Variants in EPS8L1 observed in about 807,000 individuals in gnomAD.
EPS8L1 encodes EPS8 signaling adaptor L1.
Under a neutral mutation model 91.7 loss-of-function variants are expected in EPS8L1, and 101 were observed. The observed-to-expected ratio is 1.10, with a 90% confidence interval of 0.94 to 1.30. The LOEUF is 1.30. Among genes scored for constraint, EPS8L1 ranks in the 50% most tolerant of loss-of-function variants. The probability of loss-of-function intolerance (pLI) is 0.00; values close to 1 mark genes in which losing one functional copy is unlikely to be tolerated. For synonymous variants in EPS8L1, 506 were observed against 445.3 expected (o/e 1.14, Z -1.72); for missense variants, 1,114 against 1,017.0 (o/e 1.10, Z -1.30).
chr19:55,085,233 T>C (rs951625076), intron 14 of EPS8L1, among the ~76,000 whole-genome samples: 2 of 152,216 alleles, frequency 1.3e-5, no homozygotes, highest in African/African-American at 4.8e-5. Flanking sequence ...TGGTGAGATC[T>C]CAGCTCACTG....
chr19:55,077,574 C>T (rs1168795402), intron 2 of EPS8L1, among the ~76,000 whole-genome samples: 3 of 148,676 alleles, frequency 2.0e-5, no homozygotes, highest in African/African-American at 7.4e-5. Context: ...CACCGCCTGA[C>T]CTGACCTGTC....
rs778351142 is a variant in EPS8L1 at position 55,086,450 on chromosome 19, G to C, written c.1709G>C (p.Arg570Pro). ...CCGGCCCCACCTCCAGCTCTGGCTC[G>C]GCCCCGCTGGGACAGGCCCCGCTGG... ...PAPAPPPALARPRWDRPRWDS... is the reference protein window; with the variant it reads ...PAPAPPPALAPPRWDRPRWDS... The change falls in exon 17 of 20, where the codon CGG (arginine) becomes CCG (proline). Residue 570 changes from arginine to proline, a missense_variant. Physicochemically the swap from Arg to Pro is moderately radical, Grantham distance 103 (BLOSUM62 -2). Coordinates refer to ENST00000201647, the MANE Select transcript of EPS8L1 (RefSeq NM_133180.3). The C allele has an allele frequency of 5.8e-6, 9 of 1,552,812 alleles. No homozygotes were observed. In the Admixed American group the frequency reaches 7.8e-5, roughly 14 times the overall value.
chr19:55,086,520 T>C lies in EPS8L1; in HGVS notation c.1777+2T>C. 1 of 1,550,478 alleles carries C rather than the reference T, an allele frequency of 6.4e-7. No homozygotes were observed. Among genetic ancestry groups the C allele is most frequent in the South Asian group, 1.2e-5 (1 of 83,976 alleles). ...ACGGCTTGGACCCCAGCGAGAAGGG[T>C]GAGTGGTGGGGACGCCGGCTGCGGG... On this transcript the variant is annotated splice_donor_variant, in intron 17 of 19. Coordinates refer to ENST00000201647, the MANE Select transcript of EPS8L1 (RefSeq NM_133180.3). LOFTEE classifies it high-confidence loss of function.
In EPS8L1 at chr19:55,086,486, A is replaced by G. The variant is rs911609570; in HGVS notation, c.1745A>G (p.Asp582Gly). The G allele has an allele frequency of 1.0e-5, 16 of 1,551,458 alleles. No individual in the cohort carries two copies. Among genetic ancestry groups the G allele is most frequent in the Non-Finnish European group, 1.4e-5 (16 of 1,146,994 alleles). ...RWDRPRWDSCDSLNGLDPSEK... is the reference protein window; with the variant it reads ...RWDRPRWDSCGSLNGLDPSEK... ...GACAGGCCCCGCTGGGACAGCTGCGATAGCCTCAACGGCTTGGACCCCAGC... is the reference window on the plus strand; with the variant it reads ...GACAGGCCCCGCTGGGACAGCTGCGGTAGCCTCAACGGCTTGGACCCCAGC... Residue 582 changes from aspartate (D) to glycine (G), a missense_variant, in exon 17 of 20, where the codon GAT (aspartate) becomes GGT (glycine). Coordinates refer to ENST00000201647, the MANE Select transcript of EPS8L1 (RefSeq NM_133180.3).
rs772421947 is a variant in EPS8L1, at chr19:55,086,440, G to A, written c.1699G>A (p.Ala567Thr). 7 of 1,554,586 alleles carry A rather than the reference G, an allele frequency of 4.5e-6. No individual in the cohort carries two copies. The highest frequency in any genetic ancestry group is 6.1e-6 in the Non-Finnish European group (7 of 1,148,278). Reference sequence around the variant, plus strand: ...AGCCCCAGCCCCGGCCCCACCTCCAGCTCTGGCTCGGCCCCGCTGGGACAG... The same window carrying A: ...AGCCCCAGCCCCGGCCCCACCTCCAACTCTGGCTCGGCCCCGCTGGGACAG... Reference protein sequence around the residue: ...PPAPAPAPPPALARPRWDRPR... With the variant: ...PPAPAPAPPPTLARPRWDRPR... Residue 567 changes from alanine (A) to threonine (T), a missense_variant, in exon 17 of 20, where the codon GCT becomes ACT. Physicochemically the swap from Ala to Thr is moderately conservative, Grantham distance 58. Transcript: ENST00000201647.
At position 55,081,545 on chromosome 19, in the gene EPS8L1, G is replaced by C. The variant is rs1011217194; in HGVS notation, c.774+53G>C. ...GCAGGGCCAGGCGACTGGAGGCGGG[G>C]CTAGGGCGTGGAAGGGCGGGGCCGG... is the stretch of plus-strand genomic sequence containing the variant. On this transcript the variant is annotated intron_variant, in intron 8 of 19. Transcript: ENST00000201647. The surrounding 1 kb of genome is among the most constrained non-coding windows in gnomAD (Gnocchi z 4.9). 1 of 1,500,750 alleles carries C rather than the reference G, an allele frequency of 6.7e-7. No individual in the cohort carries two copies. The highest frequency in any genetic ancestry group is 8.9e-7 in the Non-Finnish European group (1 of 1,127,674). 93.0% of individuals were successfully genotyped at this position (1,500,750 alleles called of 1,614,324 possible).
At position 55,081,690 on chromosome 19, in the gene EPS8L1, G is replaced by A. The variant is rs911945604; in HGVS notation, c.775-83G>A. 9.1e-6 allele frequency: 14 copies of A among 1,531,818 alleles called. No homozygotes were observed. Among genetic ancestry groups the A allele is most frequent in the South Asian group, 1.3e-5 (1 of 78,478 alleles). 94.9% of individuals were successfully genotyped at this position (1,531,818 alleles called of 1,614,324 possible). ...GGGGCGTGGCCTGATCTGGGGAAGT[G>A]TATAGGTGCTCAGGTTCAGGGCTTC... On this transcript the variant is annotated intron_variant, in intron 8 of 19. Coordinates refer to ENST00000201647, the MANE Select transcript of EPS8L1 (RefSeq NM_133180.3). The surrounding 1 kb of genome is among the most constrained non-coding windows in gnomAD (Gnocchi z 4.9).
Position 55,083,820 on chromosome 19 carries a change from G to A in EPS8L1, c.1385+176G>A, listed in dbSNP as rs1444893527. 4.1e-6 allele frequency: 3 copies of A among 726,400 alleles called. No individual in the cohort carries two copies. Among genetic ancestry groups the A allele is most frequent in the African/African-American group, 3.6e-5 (2 of 56,208 alleles). The allele number at this position is 726,400 out of a possible 1,614,324, so 45.0% of individuals were successfully genotyped here. ...GGGCTGGGAGAGAGGGAGGAGCAGG[G>A]TGGGAGGGGGCGGGACCCAGACTTC... On this transcript the variant is annotated intron_variant, in intron 14 of 19. Coordinates refer to ENST00000201647, the MANE Select transcript of EPS8L1 (RefSeq NM_133180.3). This position sits in a 1 kb window ranked among gnomAD's most constrained non-coding sequence, Gnocchi z 4.7.
At position 55,081,289 on chromosome 19, in the gene EPS8L1, C is replaced by T. The variant is rs372090646; in HGVS notation, c.571C>T (p.Gln191Ter). The change falls in exon 8 of 20, where the codon CAG becomes TAG. Residue 191 changes from glutamine to a stop codon, truncating the protein, a stop_gained. Coordinates refer to ENST00000201647, the MANE Select transcript of EPS8L1 (RefSeq NM_133180.3). LOFTEE classifies it high-confidence loss of function. This position sits in a 1 kb window ranked among gnomAD's most constrained non-coding sequence, Gnocchi z 4.9. Reference sequence around the variant, plus strand: ...GCCCGCCGCTGAGACCCCGCCCCTGCAGCGCCGCCCGTCAGTCCGCGCAGT... The same window carrying T: ...GCCCGCCGCTGAGACCCCGCCCCTGTAGCGCCGCCCGTCAGTCCGCGCAGT... Reference protein sequence around the residue: ...RSPAAETPPLQRRPSVRAVIS... With the variant: ...RSPAAETPPL 6.5e-7 allele frequency: 1 copy of T among 1,547,776 alleles called. No individual in the cohort carries two copies. Among genetic ancestry groups the T allele is most frequent in the Admixed American group, 2.0e-5 (1 of 50,640 alleles).
chr19:55,086,635 G>GGGGCC, intron 17 of EPS8L1, 79 bp from the exon 18 acceptor site: 10 of 1,307,662 alleles, frequency 7.6e-6, no homozygotes, highest in Non-Finnish European at 9.5e-6. Flanking sequence ...ACGCTGGAGC[G>GGGGCC]CCCCCCCGCC....
At chr19:55,080,004 A>C in intron 5 of EPS8L1, 125 bp from the exon 6 acceptor site, 34 of 1,432,748 alleles carry the variant, frequency 2.4e-5, no homozygotes, top group Non-Finnish European at 2.9e-5. Flanking sequence ...TCTATTAAAC[A>C]GGGCTGTTAT....
chr19:55,083,287 C>T lies in EPS8L1; in HGVS notation c.1215-91C>T. 6.6e-7 allele frequency: 1 copy of T among 1,518,824 alleles called. No individual in the cohort carries two copies. Among genetic ancestry groups the T allele is most frequent in the Non-Finnish European group, 8.9e-7 (1 of 1,123,266 alleles). 94.1% of individuals were successfully genotyped at this position (1,518,824 alleles called of 1,614,324 possible). ...GCTAGAATCGTTGGAATACAGCGAG[C>T]TTTAGGGGAAAACTTAGTGAAGTTA... On this transcript the variant is annotated intron_variant, in intron 12 of 19. Transcript: ENST00000201647. This position sits in a 1 kb window ranked among gnomAD's most constrained non-coding sequence, Gnocchi z 4.7.
Position 55,082,151 on chromosome 19 carries a change from C to T in EPS8L1, c.961C>T (p.Gln321Ter), listed in dbSNP as rs1203114550. Reference sequence around the variant, plus strand: ...GGAGGCCGAGTACACCGACGTGCTGCAGAAGATCAAGTACGCCTTCAGCCT... The same window carrying T: ...GGAGGCCGAGTACACCGACGTGCTGTAGAAGATCAAGTACGCCTTCAGCCT... Reference protein sequence around the residue: ...PSEAEYTDVLQKIKYAFSLLA... With the variant: ...PSEAEYTDVL The change falls in exon 10 of 20, where the codon CAG becomes TAG. Residue 321 changes from glutamine (Q) to a stop codon, truncating the protein, a stop_gained. Transcript: ENST00000201647. LOFTEE classifies it high-confidence loss of function. 1.2e-6 allele frequency: 2 copies of T among 1,603,894 alleles called. No homozygotes were observed. Among genetic ancestry groups the T allele is most frequent in the Non-Finnish European group, 1.7e-6 (2 of 1,175,928 alleles).
At position 55,087,638 on chromosome 19, in the gene EPS8L1, A is replaced by T; in HGVS notation, c.*24A>T. 2 of 1,612,630 alleles carry T rather than the reference A, an allele frequency of 1.2e-6. No homozygotes were observed. The highest frequency in any genetic ancestry group is 1.7e-6 in the Non-Finnish European group (2 of 1,178,956). ...GACCTGCCAGGCGCCCTTCGCAAAG[A>T]GTGACGAGGCCCCGTGGGAGAACGG... On this transcript the variant is annotated 3_prime_UTR_variant, in exon 20 of 20. Transcript: ENST00000201647.
At position 55,087,449 on chromosome 19, in the gene EPS8L1, C is replaced by CT. The variant is rs2076365360; in HGVS notation, c.2085+15dup. The CT allele has an allele frequency of 1.2e-6, 2 of 1,614,038 alleles. No homozygotes were observed. The highest frequency in any genetic ancestry group is 1.7e-6 in the Non-Finnish European group (2 of 1,180,020). On this transcript the variant is annotated intron_variant, in intron 19 of 19. Coordinates refer to ENST00000201647, the MANE Select transcript of EPS8L1 (RefSeq NM_133180.3). ...TCGCTGCTGGAGGTGAGCCGGACCG[C>CT]TGGTCCCTGGGTCTGGGTAGGGTTG...
chr19:55,082,611 C>A lies in EPS8L1; in HGVS notation c.1214+9C>A, dbSNP rs772158103. Reference sequence around the variant, plus strand: ...TCGTGGACCCGCCCCGGGTGAGGGGCGGGGCTGGGAGGCAGGGGGCATGGT... The same window carrying A: ...TCGTGGACCCGCCCCGGGTGAGGGGAGGGGCTGGGAGGCAGGGGGCATGGT... On this transcript the variant is annotated intron_variant, in intron 12 of 19. Transcript: ENST00000201647. 7.1e-5 allele frequency: 111 copies of A among 1,553,814 alleles called. No individual in the cohort carries two copies. Among genetic ancestry groups the A allele is most frequent in the Non-Finnish European group, 9.0e-5 (103 of 1,149,792 alleles).
chr19:55,080,028 A>T (rs1361687334), intron 5 of EPS8L1, 101 bp from the exon 6 acceptor site: 3 of 1,445,454 alleles, frequency 2.1e-6, no homozygotes, highest in Admixed American at 5.4e-5. Flanking sequence ...TAACCCCCTA[A>T]CCGCCTGAGG....
At chr19:55,079,540 G>A (rs1001982734) in intron 4 of EPS8L1, 150 bp from the exon 5 acceptor site, 4 of 886,404 alleles carry the variant, frequency 4.5e-6, no homozygotes, top group Admixed American at 5.7e-5. Context: ...GGCACTGGGA[G>A]GAGGAGCTGA....
chr19:55,079,367 G>A (rs191607970), intron 4 of EPS8L1, among the ~76,000 whole-genome samples: 48 of 152,306 alleles, frequency 3.2e-4, no homozygotes, highest in African/African-American at 1.0e-3. Flanking sequence ...CCACAGAGGC[G>A]CCTGGTGCTC....
Sources: allele counts gnomAD v4.1 joint callset (sites outside exome capture counted in the v4.1 genomes callset), GRCh38; gene constraint gnomAD v4.1.1; non-coding constraint Gnocchi (gnomAD v3.1); transcripts MANE v1.5; gene names NCBI Gene and HGNC (gene_info 2026-07-23, HGNC 2026-07-21).